DCC: variants seen among roughly 807,000 people sequenced by gnomAD.
DCC encodes the protein DCC netrin 1 receptor.
Under a neutral mutation model 172.5 loss-of-function variants are expected in DCC, and 58 were observed. The ratio of observed to expected loss-of-function variants is 0.34; its 90% CI spans 0.27 to 0.42. The LOEUF (loss-of-function observed/expected upper bound fraction) is 0.42, where lower values mean the gene tolerates loss of function less well. DCC is among the 10% of genes least tolerant of loss of function. The pLI is 1.00. For synonymous variants in DCC, 709 were observed against 644.5 expected (o/e 1.10, Z -1.52); for missense variants, 1,740 against 1,791.0 (o/e 0.97, Z 0.51).
At chr18:53,142,726 C>G (rs1016102674) in intron 7 of DCC, among the ~76,000 whole-genome samples, 5 of 152,192 alleles carry the variant, frequency 3.3e-5, no homozygotes, top group African/African-American at 1.2e-4. Flanking sequence ...TATTTCAAAA[C>G]TAAGAAATCG....
At chr18:52,622,852 A>T (rs544547454) in intron 1 of DCC, among the ~76,000 whole-genome samples, 1 of 152,352 alleles carries the variant, frequency 6.6e-6, no homozygotes, top group African/African-American at 2.4e-5. Context: ...TGACCAAAAA[A>T]AATGATCATA....
intron 1 of DCC, among the ~76,000 whole-genome samples, chr18:52,593,948 A>G (rs910440410): frequency 6.6e-6 from 1 of 152,230 alleles, no homozygotes; most frequent in African/African-American, 2.4e-5. Flanking sequence ...TCCTGCTTCC[A>G]GGTAATGCAA....
chr18:52,917,025 A>G (rs2040051194), intron 3 of DCC, among the ~76,000 whole-genome samples: 2 of 151,118 alleles, frequency 1.3e-5, no homozygotes, highest in South Asian at 4.2e-4. Flanking sequence ...GCTCATGCCC[A>G]TAATCCCAGC....
intron 8 of DCC, among the ~76,000 whole-genome samples, chr18:53,165,060 T>A (rs1365314687): frequency 6.6e-6 from 1 of 152,006 alleles, no homozygotes; most frequent in Non-Finnish European, 1.5e-5. Flanking sequence ...ACAGTGGGAG[T>A]GCAGATGAGA....
intron 5 of DCC, among the ~76,000 whole-genome samples, chr18:53,029,610 A>G (rs1369757410): frequency 1.3e-5 from 1 of 78,234 alleles, no homozygotes; most frequent in South Asian, 2.6e-4. Context: ...GGCAGATTCT[A>G]TGTGTCTTTT....
intron 15 of DCC, among the ~76,000 whole-genome samples, chr18:53,348,797 G>A (rs1046337021): frequency 6.6e-5 from 10 of 152,122 alleles, no homozygotes; most frequent in African/African-American, 2.2e-4. Context: ...TGGCAGGAGT[G>A]GCTGGAACAC....
At chr18:52,835,243 A>G (rs895677287) in intron 2 of DCC, among the ~76,000 whole-genome samples, 2 of 152,220 alleles carry the variant, frequency 1.3e-5, no homozygotes, top group East Asian at 3.8e-4. Context: ...TTCTGGGAGA[A>G]AAACAATTTA....
At chr18:52,522,385 T>A (rs1385830181) in intron 1 of DCC, among the ~76,000 whole-genome samples, 1 of 152,152 alleles carries the variant, frequency 6.6e-6, no homozygotes, top group African/African-American at 2.4e-5. Context: ...AGGTGTAGTA[T>A]CTTAGTGCTG....
intron 13 of DCC, among the ~76,000 whole-genome samples, chr18:53,309,500 C>T (rs1044610504): frequency 4.6e-5 from 7 of 152,188 alleles, no homozygotes; most frequent in African/African-American, 1.7e-4. Flanking sequence ...GGATACCATT[C>T]AAACTACTAT....
chr18:52,889,843 A>G (rs114147391), intron 2 of DCC, among the ~76,000 whole-genome samples: 314 of 152,266 alleles, frequency 2.1e-3, no homozygotes, highest in African/African-American at 7.2e-3. Context: ...TTGAAGCAGA[A>G]TATTTTAGAG....
chr18:53,182,405 G>A (rs1167109669), intron 9 of DCC, among the ~76,000 whole-genome samples: 1 of 152,132 alleles, frequency 6.6e-6, no homozygotes, highest in African/African-American at 2.4e-5. Flanking sequence ...ATTTGATTCT[G>A]TTTCACTGAA....
chr18:52,456,722 A>G (rs546539180), intron 1 of DCC, among the ~76,000 whole-genome samples: 64 of 152,302 alleles, frequency 4.2e-4, no homozygotes, highest in African/African-American at 1.3e-3. Flanking sequence ...TGAATTACAT[A>G]TAGAATTCCT....
At chr18:53,135,733 A>G (rs183938471) in intron 7 of DCC, among the ~76,000 whole-genome samples, 2 of 152,308 alleles carry the variant, frequency 1.3e-5, no homozygotes, top group East Asian at 1.9e-4. Context: ...CAGCAATTCA[A>G]TGATGGCTGA....
intron 12 of DCC, among the ~76,000 whole-genome samples, chr18:53,296,495 G>A (rs866382155): frequency 6.6e-6 from 1 of 152,178 alleles, no homozygotes; most frequent in Non-Finnish European, 1.5e-5. Flanking sequence ...GAAGGCTTAT[G>A]TTGCAAATTC....
intron 7 of DCC, among the ~76,000 whole-genome samples, chr18:53,115,952 A>G (rs1229361509): frequency 2.0e-5 from 3 of 151,536 alleles, no homozygotes; most frequent in Non-Finnish European, 3.0e-5. Flanking sequence ...ATCCTTACCC[A>G]GGATGTGGGA....
intron 2 of DCC, among the ~76,000 whole-genome samples, chr18:52,849,603 CAG>C (rs1207735644): frequency 1.3e-5 from 2 of 152,166 alleles, no homozygotes; most frequent in African/African-American, 4.8e-5. Flanking sequence ...ATTTCCAAAA[CAG>C]AATCTCAGCT....
intron 15 of DCC, among the ~76,000 whole-genome samples, chr18:53,372,262 T>C (rs1042081365): frequency 6.6e-6 from 1 of 152,102 alleles, no homozygotes; most frequent in Non-Finnish European, 1.5e-5. Flanking sequence ...GTGGTACATA[T>C]ACATCGTGGA....
chr18:52,887,042 G>A (rs973885495), intron 2 of DCC, among the ~76,000 whole-genome samples: 5 of 152,174 alleles, frequency 3.3e-5, no homozygotes, highest in African/African-American at 1.2e-4. Context: ...GGTAATCTGA[G>A]CAGGAGCAGA....
chr18:52,732,435 T>A (rs148782494), intron 1 of DCC, among the ~76,000 whole-genome samples: 39 of 152,290 alleles, frequency 2.6e-4, no homozygotes, highest in African/African-American at 8.4e-4. Context: ...TTCACAACTA[T>A]TATTACGTTA....
Sources: gnomAD v4.1 joint callset for allele counts (sites outside exome capture counted in the v4.1 genomes callset) on GRCh38, gnomAD v4.1.1 for gene constraint, MANE v1.5 for transcripts, NCBI Gene and HGNC (gene_info 2026-07-23, HGNC 2026-07-21) for gene names.